Variants in FREM3 observed in about 807,000 individuals in gnomAD.
FREM3 encodes FRAS1 related extracellular matrix 3.
In FREM3, 105 loss-of-function variants were observed where a neutral mutation model predicts 129.1. The ratio of observed to expected loss-of-function variants is 0.81; its 90% CI spans 0.69 to 0.96. The LOEUF (loss-of-function observed/expected upper bound fraction) is 0.96. Among genes scored for constraint, FREM3 ranks in the 40% least tolerant of loss-of-function variants. The probability of loss-of-function intolerance (pLI) is 0.00; values close to 1 mark genes in which losing one functional copy is unlikely to be tolerated. For synonymous variants in FREM3, 1,014 were observed against 1,044.9 expected (o/e 0.97, Z 0.57); for missense variants, 2,593 against 2,666.3 (o/e 0.97, Z 0.61).
chr4:143,592,094 T>C (rs1234564764), intron 6 of FREM3, among the ~76,000 whole-genome samples: 2 of 152,244 alleles, frequency 1.3e-5, no homozygotes, highest in African/African-American at 2.4e-5. Flanking sequence ...ATTTGCTTGG[T>C]AGATCTTCCT....
Position 143,700,465 on chromosome 4 carries a change from C to A in FREM3, c.211G>T (p.Val71Leu). The A allele has an allele frequency of 6.6e-7, 1 of 1,511,956 alleles. No individual in the cohort carries two copies. 93.7% of individuals were successfully genotyped at this position (1,511,956 alleles called of 1,614,324 possible). A position where few individuals can be genotyped will look rare whatever the true frequency, so the allele number is the denominator to read the frequency against. The change falls in exon 1 of 8, where the codon GTG becomes TTG. Residue 71 changes from valine to leucine, a missense_variant. This residue lies in a region of FREM3 where 2,276 missense variants were observed against 2,267.2 expected (regional missense o/e 1.00). Transcript: ENST00000329798. ...AGCCAAAGGGAACGACCCAGGGGCA[C>A]CCGGAGTCCAGGGTTGGCAATCAGC... ...SVLIANPGLRVPLGRSLWLDP... is the reference protein window; with the variant it reads ...SVLIANPGLRLPLGRSLWLDP...
intron 6 of FREM3, among the ~76,000 whole-genome samples, chr4:143,605,919 T>A (rs1302981670): frequency 2.6e-5 from 4 of 152,156 alleles, no homozygotes; most frequent in African/African-American, 9.7e-5. Flanking sequence ...TTTTCTTGGG[T>A]AGGTTACTTA....
chr4:143,663,373 A>G (rs369651013), intron 2 of FREM3, among the ~76,000 whole-genome samples: 3 of 152,026 alleles, frequency 2.0e-5, no homozygotes, highest in African/African-American at 4.8e-5. Context: ...GAAATTCTGG[A>G]TTGAAAATTC....
chr4:143,626,095 G>A (rs1739033196), intron 3 of FREM3, among the ~76,000 whole-genome samples: 2 of 152,258 alleles, frequency 1.3e-5, no homozygotes, highest in East Asian at 3.9e-4. Flanking sequence ...GGTATCAGAA[G>A]GACTTTCTGG....
Position 143,610,765 on chromosome 4 carries a change from C to T in FREM3, c.6028+514G>A, listed in dbSNP as rs73852634. ...GGGGAGTTGGTGTTTAGGAATGAGG[C>T]GCCCCTCTCTTCTCTGGCTAAATTT... On this transcript the variant is annotated intron_variant, in intron 6 of 7. Transcript: ENST00000329798. Among the ~76,000 whole-genome samples the T allele has an allele frequency of 7.4e-3, 1,133 of 152,242 alleles. 13 individuals carry two copies. Among genetic ancestry groups the T allele is most frequent in the African/African-American group, 0.025 (1,059 of 41,540 alleles).
At chr4:143,636,592 T>C (rs1268388488) in intron 2 of FREM3, among the ~76,000 whole-genome samples, 1 of 152,110 alleles carries the variant, frequency 6.6e-6, no homozygotes, top group Non-Finnish European at 1.5e-5. Flanking sequence ...TTCACAATTA[T>C]TTCCCATTAG....
intron 6 of FREM3, among the ~76,000 whole-genome samples, chr4:143,608,399 C>G (rs1311512120): frequency 6.6e-6 from 1 of 152,144 alleles, no homozygotes; most frequent in African/African-American, 2.4e-5. Flanking sequence ...ATAATGGCAC[C>G]TGAATCCCAT....
intron 2 of FREM3, among the ~76,000 whole-genome samples, chr4:143,677,667 A>G (rs1334857053): frequency 1.3e-5 from 2 of 152,230 alleles, no homozygotes; most frequent in African/African-American, 4.8e-5. Flanking sequence ...TAATATCCAG[A>G]ATCTACAAAG....
At chr4:143,578,994 A>C (rs551218838) in intron 7 of FREM3, among the ~76,000 whole-genome samples, 1 of 152,094 alleles carries the variant, frequency 6.6e-6, no homozygotes, top group Admixed American at 6.5e-5. Flanking sequence ...TATACAAGAG[A>C]ATGTCTTTGA....
intron 2 of FREM3, among the ~76,000 whole-genome samples, chr4:143,650,122 C>T (rs766875152): frequency 6.6e-6 from 1 of 152,168 alleles, no homozygotes; most frequent in Non-Finnish European, 1.5e-5. Flanking sequence ...GATTCTATAA[C>T]AAAAGAAGTC....
chr4:143,606,107 T>G (rs1738663918), intron 6 of FREM3, among the ~76,000 whole-genome samples: 1 of 152,164 alleles, frequency 6.6e-6, no homozygotes, highest in Non-Finnish European at 1.5e-5. Context: ...GATAAACAAT[T>G]GGATTCTTTG....
At chr4:143,681,752 A>T (rs1740254731) in intron 2 of FREM3, among the ~76,000 whole-genome samples, 1 of 152,220 alleles carries the variant, frequency 6.6e-6, no homozygotes, top group African/African-American at 2.4e-5. Context: ...GAAAACTTGT[A>T]TTTATTGGGA....
rs1740638199 is a variant in FREM3, at chr4:143,699,050, T to G, written c.1626A>C (p.Glu542Asp). ...CTGTGTTAGTATTGACCATTGGTGG[T>G]TCATCATCCACAGGTAGGATGGTGA... ...FPLTILPVDD[E>D]PPMVNTNTGL... Residue 542 changes from glutamate to aspartate, a missense_variant, in exon 1 of 8, where the codon GAA becomes GAC. Glu to Asp is a conservative substitution (Grantham distance 45). This residue lies in a region of FREM3 where 2,276 missense variants were observed against 2,267.2 expected (regional missense o/e 1.00). Transcript: ENST00000329798. This position sits in a 1 kb window ranked among gnomAD's most constrained non-coding sequence, Gnocchi z 4.2. The G allele has an allele frequency of 6.5e-7, 1 of 1,537,236 alleles. No homozygotes were observed. Among genetic ancestry groups the G allele is most frequent in the Non-Finnish European group, 8.7e-7 (1 of 1,146,878 alleles).
chr4:143,641,164 T>G (rs73852690), intron 2 of FREM3, among the ~76,000 whole-genome samples: 3,893 of 152,204 alleles, frequency 0.026, 189 homozygotes, highest in African/African-American at 0.088. Context: ...CCAGAAACAC[T>G]TATTTTTCTA....
chr4:143,646,167 G>T (rs539932783), intron 2 of FREM3, among the ~76,000 whole-genome samples: 1 of 152,218 alleles, frequency 6.6e-6, no homozygotes, highest in Admixed American at 6.5e-5. Flanking sequence ...TATAAAAGTT[G>T]CCCAACATTT....
At chr4:143,682,176 T>C (rs1740264334) in intron 2 of FREM3, among the ~76,000 whole-genome samples, 1 of 151,998 alleles carries the variant, frequency 6.6e-6, no homozygotes, top group Non-Finnish European at 1.5e-5. Flanking sequence ...GAGAATAGGG[T>C]CTGGAGGCAG....
chr4:143,626,259 G>C (rs973716134), intron 3 of FREM3, among the ~76,000 whole-genome samples: 2 of 152,182 alleles, frequency 1.3e-5, no homozygotes, highest in Admixed American at 6.5e-5. Context: ...CTTGAGGTTG[G>C]ACATAACCCA....
chr4:143,660,267 G>A (rs1186480621), intron 2 of FREM3, among the ~76,000 whole-genome samples: 5 of 151,934 alleles, frequency 3.3e-5, no homozygotes, highest in African/African-American at 9.7e-5. Flanking sequence ...TGTATAAGGT[G>A]TAAGGAAGGG....
intron 3 of FREM3, among the ~76,000 whole-genome samples, chr4:143,625,069 T>C (rs781404316): frequency 2.3e-4 from 35 of 151,960 alleles, no homozygotes; most frequent in Non-Finnish European, 4.7e-4. Flanking sequence ...TTACTGAAGA[T>C]ACGAAACAAC....
Sources: gnomAD v4.1 joint callset for allele counts (sites outside exome capture counted in the v4.1 genomes callset) on GRCh38, gnomAD v4.1.1 for gene constraint, gnomAD v4.1.1 regional missense constraint, Gnocchi (gnomAD v3.1) non-coding constraint, MANE v1.5 for transcripts, NCBI Gene and HGNC (gene_info 2026-07-23, HGNC 2026-07-21) for gene names.